The following BCAR1 variants were observed in gnomAD, a reference collection of about 807,000 sequenced individuals.
BCAR1 encodes the protein BCAR1 scaffold protein, Cas family member.
Under a neutral mutation model 67.6 loss-of-function variants are expected in BCAR1, and 30 were observed. The ratio of observed to expected loss-of-function variants is 0.44; its 90% CI spans 0.33 to 0.60. The LOEUF is 0.60. Among genes scored for constraint, BCAR1 ranks in the 20% least tolerant of loss-of-function variants. BCAR1 has a pLI of 0.02. For synonymous variants in BCAR1, 626 were observed against 556.7 expected (o/e 1.12, Z -1.75); for missense variants, 1,313 against 1,222.3 (o/e 1.07, Z -1.11).
chr16:75,232,058 ATTTT>A (rs1406453615), intron 6 of BCAR1, among the ~76,000 whole-genome samples: 2 of 148,854 alleles, frequency 1.3e-5, no homozygotes, highest in East Asian at 4.0e-4. Flanking sequence ...ATTGTTTTGT[ATTTT>A]TAGTAGAGAT....
intron 2 of BCAR1, among the ~76,000 whole-genome samples, chr16:75,239,759 C>A (rs558328982): frequency 6.6e-6 from 1 of 152,248 alleles, no homozygotes; most frequent in South Asian, 2.1e-4. Context: ...TGAGGGGCCA[C>A]CACCATAGCC....
At position 75,267,112 on chromosome 16, in the gene BCAR1, G is replaced by GAATT. The variant is rs1567629743; in HGVS notation, c.66+802_66+803insAATT. ...TGGGTTTTCAGCCTTTTTCCCCAAG[G>GAATT]GGCGTGCAGCCTTGATCTTTTCTCC... On this transcript the variant is annotated intron_variant, in intron 1 of 6. Transcript: ENST00000393422. Among the ~76,000 whole-genome samples the GAATT allele has an allele frequency of 2.0e-5, 3 of 152,296 alleles. No homozygotes were observed. In the South Asian group the frequency reaches 6.2e-4, roughly 32 times the overall value.
intron 6 of BCAR1, among the ~76,000 whole-genome samples, chr16:75,232,229 C>G (rs148139942): frequency 2.6e-5 from 4 of 152,150 alleles, no homozygotes; most frequent in African/African-American, 9.6e-5. Context: ...GGCGCAATCT[C>G]GGCTCACTGC....
At chr16:75,243,168 C>T (rs1424007447) in intron 1 of BCAR1, 78 bp from the exon 2 acceptor site, 1 of 1,441,344 alleles carries the variant, frequency 6.9e-7, no homozygotes, top group African/African-American at 1.4e-5. Context: ...CTGCCCTGCT[C>T]TGGGGAGGTG....
chr16:75,238,208 C>T (rs892575231), intron 2 of BCAR1: 5 of 1,196,950 alleles, frequency 4.2e-6, no homozygotes, highest in East Asian at 6.5e-5. Flanking sequence ...CGGGTAGGGG[C>T]CATGCCAGGC....
intron 2 of BCAR1, among the ~76,000 whole-genome samples, chr16:75,237,829 G>A (rs1030859064): frequency 3.9e-5 from 6 of 152,270 alleles, no homozygotes; most frequent in African/African-American, 1.2e-4. Flanking sequence ...CCCAGCAGGG[G>A]ACTGCATCCG....
At chr16:75,239,771 G>A (rs949332313) in intron 2 of BCAR1, among the ~76,000 whole-genome samples, 4 of 152,124 alleles carry the variant, frequency 2.6e-5, no homozygotes, top group African/African-American at 7.2e-5. Context: ...ACCATAGCCC[G>A]CTCCCCTCCC....
intron 1 of BCAR1, among the ~76,000 whole-genome samples, chr16:75,244,408 G>A (rs887305167): frequency 5.9e-5 from 9 of 152,252 alleles, no homozygotes; most frequent in African/African-American, 2.2e-4. Flanking sequence ...GCAGAGGAGT[G>A]GGGGTGAGGC....
chr16:75,247,817 CCTCAGCACCCGCAAG>C (rs1313247323), intron 1 of BCAR1: 30 of 560,224 alleles, frequency 5.4e-5, no homozygotes, highest in African/African-American at 5.1e-4. Context: ...GCAAATATGA[CCTCAGCACCCGCAAG>C]CCAGCACAAG....
intron 1 of BCAR1, chr16:75,264,637 AG>A: frequency 7.9e-7 from 1 of 1,263,894 alleles, no homozygotes; most frequent in Non-Finnish European, 9.9e-7. Context: ...GGCGAGCAGG[AG>A]CGGGCTCTTT....
chr16:75,252,439 GA>G, upstream of BCAR1: 1 of 1,433,608 alleles, frequency 7.0e-7, no homozygotes, highest in Non-Finnish European at 9.2e-7. Flanking sequence ...TCACTCGGGG[GA>G]AACCGAGTGG....
At chr16:75,260,427 C>T (rs2077878929) in intron 1 of BCAR1, among the ~76,000 whole-genome samples, 1 of 150,784 alleles carries the variant, frequency 6.6e-6, no homozygotes, top group African/African-American at 2.4e-5. Flanking sequence ...TGAGGTCAGG[C>T]GTTCGAGACC....
chr16:75,252,449 G>A (rs1212707955), upstream of BCAR1: 1 of 1,427,896 alleles, frequency 7.0e-7, no homozygotes, highest in Non-Finnish European at 9.2e-7. Flanking sequence ...GAAACCGAGT[G>A]GAGACAACCT....
At chr16:75,236,571 T>G in intron 4 of BCAR1, 1 of 450,754 alleles carries the variant, frequency 2.2e-6, no homozygotes, top group Non-Finnish European at 3.8e-6. Context: ...TGCCCCCACA[T>G]AATTACTAGT....
chr16:75,252,314 G>C (rs1567619278), upstream of BCAR1: 1 of 1,536,374 alleles, frequency 6.5e-7, no homozygotes, highest in East Asian at 2.4e-5. Flanking sequence ...CTCATTCCTA[G>C]GTTCAGCCTA....
At chr16:75,237,020 G>T in intron 3 of BCAR1, 22 bp from the exon 4 acceptor site, 3 of 1,568,498 alleles carry the variant, frequency 1.9e-6, no homozygotes, top group Non-Finnish European at 2.6e-6. Flanking sequence ...ACAGTGCAGG[G>T]TTAACGGCGC....
At chr16:75,267,785 C>T (rs1484210338) in intron 1 of BCAR1, 15 of 950,250 alleles carry the variant, frequency 1.6e-5, no homozygotes, top group Non-Finnish European at 1.9e-5. Flanking sequence ...AAGGGAGGGG[C>T]GCAGATGGAG....
chr16:75,266,628 G>T, intron 1 of BCAR1: 1 of 990,086 alleles, frequency 1.0e-6, no homozygotes, highest in Non-Finnish European at 1.3e-6. Context: ...GCACGTGCAT[G>T]TTCGTCCCCA....
intron 5 of BCAR1, 122 bp downstream of exon 5, chr16:75,234,767 A>G: frequency 7.0e-7 from 1 of 1,421,904 alleles, no homozygotes; most frequent in Non-Finnish European, 9.3e-7. Context: ...GAGGGAGGTC[A>G]AAGTGAGAGG....
Sources: allele counts gnomAD v4.1 joint callset (sites outside exome capture counted in the v4.1 genomes callset), GRCh38; gene constraint gnomAD v4.1.1; transcripts MANE v1.5; gene names NCBI Gene and HGNC (gene_info 2026-07-23, HGNC 2026-07-21).